Variants in TBX15 observed in about 807,000 individuals in gnomAD.
TBX15 encodes T-box transcription factor TBX15.
In TBX15, 18 loss-of-function variants were observed where a neutral mutation model predicts 53.9. The ratio of observed to expected loss-of-function variants is 0.33; its 90% CI spans 0.23 to 0.49. The LOEUF is 0.49. Among genes scored for constraint, TBX15 ranks in the 20% least tolerant of loss-of-function variants. The probability of loss-of-function intolerance (pLI) is 0.98; values close to 1 mark genes in which losing one functional copy is unlikely to be tolerated. For synonymous variants in TBX15, 295 were observed against 278.0 expected (o/e 1.06, Z -0.61); for missense variants, 692 against 749.5 (o/e 0.92, Z 0.90).
At chr1:118,981,783 C>A (rs1271813984) in intron 1 of TBX15, among the ~76,000 whole-genome samples, 3 of 152,148 alleles carry the variant, frequency 2.0e-5, no homozygotes, top group African/African-American at 7.2e-5. Flanking sequence ...ATTATCCTTC[C>A]CCCAAAGAAG....
chr1:118,908,479 C>T (rs114110594), intron 6 of TBX15, among the ~76,000 whole-genome samples: 1 of 152,102 alleles, frequency 6.6e-6, no homozygotes, highest in Non-Finnish European at 1.5e-5. Context: ...CCAGAGGCAA[C>T]CCTGGATATT....
chr1:118,931,064 T>C (rs1009222652), intron 2 of TBX15, among the ~76,000 whole-genome samples: 1 of 152,260 alleles, frequency 6.6e-6, no homozygotes, highest in African/African-American at 2.4e-5. Flanking sequence ...AGAGAAGCTG[T>C]GTTTTTAAAA....
chr1:118,914,157 C>T lies in TBX15; in HGVS notation c.884G>A (p.Arg295Gln), dbSNP rs376184438. Residue 295 changes from arginine (R) to glutamine (Q), a missense_variant, in exon 6 of 8, where the codon CGA becomes CAA. Coordinates refer to ENST00000369429, the MANE Select transcript of TBX15 (RefSeq NM_001330677.2). ...TCTGAATCCTTTAGCAAAAGGGTTT[C>T]GGTCAATTTTTAATCTGGTAATCTG... ...NQQITRLKID[R>Q]NPFAKGFRDS... The T allele has an allele frequency of 5.0e-6, 8 of 1,613,544 alleles. No individual in the cohort carries two copies. Among genetic ancestry groups the T allele is most frequent in the East Asian group, 2.2e-5 (1 of 44,866 alleles).
chr1:118,897,459 C>T (rs932457864), intron 7 of TBX15, among the ~76,000 whole-genome samples: 15 of 152,304 alleles, frequency 9.8e-5, no homozygotes, highest in African/African-American at 3.1e-4. Flanking sequence ...ATGATACAAA[C>T]TCCTGCTTAG....
At chr1:118,885,676 A>T (rs1653916035) in intron 7 of TBX15, among the ~76,000 whole-genome samples, 160 bp from the exon 8 acceptor site, 2 of 152,034 alleles carry the variant, frequency 1.3e-5, no homozygotes, top group Admixed American at 1.3e-4. Context: ...ATGCTAAGCG[A>T]TTCCACCTGT....
At chr1:118,948,887 G>GA (rs1377004525) in intron 1 of TBX15, among the ~76,000 whole-genome samples, 1 of 152,140 alleles carries the variant, frequency 6.6e-6, no homozygotes, top group East Asian at 1.9e-4. Context: ...GTCCTTAGAA[G>GA]AAAAAACGCA....
At chr1:118,938,846 C>T (rs902992079) in intron 1 of TBX15, among the ~76,000 whole-genome samples, 27 of 152,000 alleles carry the variant, frequency 1.8e-4, no homozygotes, top group Non-Finnish European at 2.5e-4. Flanking sequence ...AATGGGGTTG[C>T]TTTTTGCTTA....
intron 1 of TBX15, among the ~76,000 whole-genome samples, chr1:118,965,385 C>T (rs749619649): frequency 6.6e-6 from 1 of 152,120 alleles, no homozygotes; most frequent in Admixed American, 6.6e-5. Context: ...GCATTATACC[C>T]TTCAAATACA....
chr1:118,931,501 A>C, intron 2 of TBX15, 118 bp downstream of exon 2: 1 of 1,034,446 alleles, frequency 9.7e-7, no homozygotes. Flanking sequence ...CAGAGAAGTG[A>C]GTGCAAGCTG....
chr1:118,908,776 AC>A (rs1654926995), intron 6 of TBX15, among the ~76,000 whole-genome samples: 1 of 151,892 alleles, frequency 6.6e-6, no homozygotes, highest in Non-Finnish European at 1.5e-5. Flanking sequence ...ACACACACAC[AC>A]ACTCACACAT....
At chr1:118,934,499 C>G (rs1655899880) in intron 1 of TBX15, among the ~76,000 whole-genome samples, 1 of 152,090 alleles carries the variant, frequency 6.6e-6, no homozygotes, top group South Asian at 2.1e-4. Flanking sequence ...GAATCCAAGA[C>G]CTTAAGAAAT....
chr1:118,935,183 T>C (rs572900025), intron 1 of TBX15, among the ~76,000 whole-genome samples: 44 of 152,276 alleles, frequency 2.9e-4, no homozygotes, highest in African/African-American at 1.0e-3. Context: ...TAAAATACAT[T>C]TCTAAATCAT....
At chr1:118,891,984 G>C (rs1012749881) in intron 7 of TBX15, among the ~76,000 whole-genome samples, 1 of 152,094 alleles carries the variant, frequency 6.6e-6, no homozygotes, top group Admixed American at 6.5e-5. Flanking sequence ...GAAGGGGTAG[G>C]AATATTAAGA....
chr1:118,959,024 CAGAGAGAG>C lies in TBX15; in HGVS notation c.206-27200_206-27193del, dbSNP rs10563585. Among the ~76,000 whole-genome samples, 1,196 of 144,526 alleles carry C rather than the reference CAGAGAGAG, an allele frequency of 8.3e-3. 11 individuals carry two copies. The highest frequency in any genetic ancestry group is 0.028 in the African/African-American group (1,101 of 39,078). The allele number at this position is 144,526 out of a possible 152,430, so 94.8% of individuals were successfully genotyped here. ...TAGTGGTCATCAGAAGGTATAATAT[CAGAGAGAG>C]AGAGAGAGAGAGAGAGAGAGAGTAT... is the stretch of plus-strand genomic sequence containing the variant. On this transcript the variant is annotated intron_variant, in intron 1 of 7. Transcript: ENST00000369429.
intron 1 of TBX15, among the ~76,000 whole-genome samples, chr1:118,967,774 T>C (rs1220731629): frequency 6.6e-6 from 1 of 152,240 alleles, no homozygotes; most frequent in Non-Finnish European, 1.5e-5. Flanking sequence ...AATTTAATTC[T>C]AATTTAATTC....
In TBX15 at chr1:118,919,381, T is replaced by C. The variant is rs541541991; in HGVS notation, c.861+4055A>G. On this transcript the variant is annotated intron_variant, in intron 5 of 7. Transcript: ENST00000369429. ...ATTCTCTTTGAAGAGATTCTGGGCATGCTACACCTTTCTCTCTGCCATAGG... is the reference window on the plus strand; with the variant it reads ...ATTCTCTTTGAAGAGATTCTGGGCACGCTACACCTTTCTCTCTGCCATAGG... Among the ~76,000 whole-genome samples the C allele has an allele frequency of 3.3e-5, 5 of 152,300 alleles. No individual in the cohort carries two copies. The East Asian group carries it at 9.7e-4, about 29-fold the overall frequency.
chr1:118,985,721 A>G (rs1657808251), intron 1 of TBX15, among the ~76,000 whole-genome samples: 1 of 152,214 alleles, frequency 6.6e-6, no homozygotes. Context: ...TTAAAAAATG[A>G]TAACGTAATG....
In TBX15 at chr1:118,914,103, A is replaced by G. The variant is rs1354787203; in HGVS notation, c.926+12T>C. 4.3e-6 allele frequency: 7 copies of G among 1,613,634 alleles called. No homozygotes were observed. The highest frequency in any genetic ancestry group is 1.7e-6 in the Non-Finnish European group (2 of 1,179,698). On this transcript the variant is annotated intron_variant, in intron 6 of 7. Coordinates refer to ENST00000369429, the MANE Select transcript of TBX15 (RefSeq NM_001330677.2). ...CATAGAAAAGAAGTGCCTCTTCCCCAGTGATTCTTACCTGTTTCTCCCAGA... is the reference window on the plus strand; with the variant it reads ...CATAGAAAAGAAGTGCCTCTTCCCCGGTGATTCTTACCTGTTTCTCCCAGA...
Position 118,885,224 on chromosome 1 carries a change from C to T in TBX15, c.1317G>A (p.Met439Ile). Reference sequence around the variant, plus strand: ...AGATCAGGGATGGAGTCCTCTGAGGCATGAAGGTTTCAGAGGGCTGAGTGG... The same window carrying T: ...AGATCAGGGATGGAGTCCTCTGAGGTATGAAGGTTTCAGAGGGCTGAGTGG... ...TSATQPSETFMPQRTPSLISG... is the reference protein window; with the variant it reads ...TSATQPSETFIPQRTPSLISG... The change falls in exon 8 of 8, where the codon ATG becomes ATA. Residue 439 changes from methionine (M) to isoleucine (I), a missense_variant. This residue lies in a region of TBX15 where 375 missense variants were observed against 371.6 expected (regional missense o/e 1.01). Transcript: ENST00000369429. 1 of 1,614,156 alleles carries T rather than the reference C, an allele frequency of 6.2e-7. No homozygotes were observed. The highest frequency in any genetic ancestry group is 8.5e-7 in the Non-Finnish European group (1 of 1,180,036).
Sources: allele counts gnomAD v4.1 joint callset (sites outside exome capture counted in the v4.1 genomes callset), GRCh38; gene constraint gnomAD v4.1.1; regional missense constraint gnomAD v4.1.1; transcripts MANE v1.5; gene names NCBI Gene and HGNC (gene_info 2026-07-23, HGNC 2026-07-21).